Variants in SMG7 observed in about 807,000 individuals in gnomAD.
SMG7 encodes SMG7 nonsense mediated mRNA decay factor.
In SMG7, 34 loss-of-function variants were observed where a neutral mutation model predicts 148.2. The observed-to-expected ratio is 0.23, with a 90% CI of 0.17 to 0.31. SMG7 has a LOEUF of 0.31. Among genes scored for constraint, SMG7 ranks in the 10% least tolerant of loss-of-function variants. The pLI, the probability that SMG7 is intolerant of heterozygous loss-of-function variation, is 1.00. For missense variants in SMG7, 1,114 were observed against 1,408.4 expected, an observed-to-expected ratio of 0.79 and a Z score of 3.35; for synonymous variants, 492 against 515.1, an observed-to-expected ratio of 0.96 and a Z score of 0.61.
At chr1:183,539,007 G>A (rs935022472) in intron 12 of SMG7, among the ~76,000 whole-genome samples, 20 of 151,924 alleles carry the variant, frequency 1.3e-4, no homozygotes, top group African/African-American at 4.6e-4. Flanking sequence ...AAAATTAGCC[G>A]GGCATGGTGG....
At chr1:183,508,190 ATT>A in intron 1 of SMG7, 1 of 913,662 alleles carries the variant, frequency 1.1e-6, no homozygotes, top group African/African-American at 1.8e-5. Context: ...GAGGTATAGT[ATT>A]TTTTTCTTCT....
At position 183,523,070 on chromosome 1, in the gene SMG7, A is replaced by G. The variant is rs76194997; in HGVS notation, c.313-3526A>G. On this transcript the variant is annotated intron_variant, in intron 4 of 22. Transcript: ENST00000688051. The stretch of plus-strand genomic sequence containing the variant: ...AACCAAATTCCTGGTCAAAGTAAAG[A>G]CATACCATTCTGCTGTAGGTTGTTT... Among the ~76,000 whole-genome samples, 823 of 152,310 alleles carry G rather than the reference A, an allele frequency of 5.4e-3. 4 individuals carry two copies. Among genetic ancestry groups the G allele is most frequent in the Non-Finnish European group, 9.7e-3 (661 of 68,028 alleles).
intron 1 of SMG7, among the ~76,000 whole-genome samples, chr1:183,505,936 T>A (rs1660792776): frequency 6.6e-6 from 1 of 152,248 alleles, no homozygotes; most frequent in Non-Finnish European, 1.5e-5. Flanking sequence ...CTAACAATGC[T>A]ATGCTCTTGC....
In SMG7 at chr1:183,527,700, A is replaced by T. The variant is rs1263342595; in HGVS notation, c.485-256A>T. 4 of 527,810 alleles carry T rather than the reference A, an allele frequency of 7.6e-6. No individual in the cohort carries two copies. In the Admixed American group the frequency reaches 9.0e-5, roughly 12 times the overall value. The allele number at this position is 527,810 out of a possible 1,614,324, so 32.7% of individuals were successfully genotyped here. A position where few individuals can be genotyped will look rare whatever the true frequency, so the allele number is the denominator to read the frequency against. On this transcript the variant is annotated intron_variant, in intron 5 of 22. Coordinates refer to ENST00000688051, the MANE Select transcript of SMG7 (RefSeq NM_001375584.1). This position sits in a 1 kb window ranked among gnomAD's most constrained non-coding sequence, Gnocchi z 4.0. Reference sequence around the variant, plus strand: ...AGTCCATAGTGGGAGCTGGTGATGCATGACACTGGAGGACCTGAAAATGGG... The same window carrying T: ...AGTCCATAGTGGGAGCTGGTGATGCTTGACACTGGAGGACCTGAAAATGGG...
intron 4 of SMG7, among the ~76,000 whole-genome samples, chr1:183,518,947 TGAAGA>T (rs1337063799): frequency 1.3e-5 from 2 of 152,206 alleles, no homozygotes; most frequent in Non-Finnish European, 1.5e-5. Context: ...TTTCTTTGAA[TGAAGA>T]GAAAAGAATC....
At chr1:183,543,421 G>T (rs1669296886) in intron 14 of SMG7, among the ~76,000 whole-genome samples, 1 of 151,704 alleles carries the variant, frequency 6.6e-6, no homozygotes, top group African/African-American at 2.4e-5. Context: ...ATAGCAAGGA[G>T]AGAAACAGAA....
intron 1 of SMG7, among the ~76,000 whole-genome samples, chr1:183,505,885 C>T (rs1660781769): frequency 6.6e-6 from 1 of 152,226 alleles, no homozygotes; most frequent in Non-Finnish European, 1.5e-5. Context: ...CACTTCCTTA[C>T]TTCAGTCTTA....
chr1:183,545,244 C>G lies in SMG7; in HGVS notation c.2302C>G (p.Gln768Glu), dbSNP rs1473888952. ...QLQVQALTQQ[Q>E]QSPTKAVPAL... is the part of the protein sequence containing the mutation. Reference sequence around the variant, plus strand: ...GCAGGTTCAAGCTCTAACTCAGCAACAACAATCCCCTACAAAAGCTGTGCC... The same window carrying G: ...GCAGGTTCAAGCTCTAACTCAGCAAGAACAATCCCCTACAAAAGCTGTGCC... Residue 768 changes from glutamine (Q) to glutamate (E), a missense_variant, in exon 16 of 23, where the codon CAA becomes GAA. Gln to Glu is a conservative substitution (Grantham distance 29). This residue lies in a region of SMG7 where 788 missense variants were observed against 894.5 expected (regional missense o/e 0.88). Transcript: ENST00000688051. 1.9e-6 allele frequency: 3 copies of G among 1,613,824 alleles called. No homozygotes were observed.
intron 8 of SMG7, 92 bp from the exon 9 acceptor site, chr1:183,533,071 TG>T: frequency 1.0e-6 from 1 of 997,964 alleles, no homozygotes; most frequent in Non-Finnish European, 1.5e-6. Context: ...TTACACATGG[TG>T]GTTCTAAATG....
At chr1:183,477,504 A>C (rs1470551614) in intron 1 of SMG7, among the ~76,000 whole-genome samples, 1 of 151,770 alleles carries the variant, frequency 6.6e-6, no homozygotes, top group African/African-American at 2.4e-5. Flanking sequence ...ATATGTGTAT[A>C]TATGCATATA....
At position 183,542,923 on chromosome 1, in the gene SMG7, A is replaced by ATG. The variant is rs1418302270; in HGVS notation, c.1842+422_1842+423insGT. On this transcript the variant is annotated intron_variant, in intron 14 of 22. Transcript: ENST00000688051. ...TTTTTTTAGATTCACTATAATATAT[A>ATG]TATATGTGTGTGTGTGTGTGTGTGT... Among the ~76,000 whole-genome samples the ATG allele has an allele frequency of 1.9e-4, 18 of 96,722 alleles. No individual in the cohort carries two copies. The East Asian group carries it at 2.2e-3, about 12-fold the overall frequency. 63.5% of individuals were successfully genotyped at this position (96,722 alleles called of 152,430 possible).
At chr1:183,472,741 G>C (rs2101971749) in intron 1 of SMG7, 92 bp downstream of exon 1, 2 of 1,171,152 alleles carry the variant, frequency 1.7e-6, no homozygotes, top group Non-Finnish European at 2.3e-6. Flanking sequence ...GGGGTGGCGG[G>C]GGAGTTGCTG....
At position 183,552,147 on chromosome 1, in the gene SMG7, C is replaced by T. The variant is rs1359590910; in HGVS notation, c.*216C>T. On this transcript the variant is annotated 3_prime_UTR_variant, in exon 23 of 23. Coordinates refer to ENST00000688051, the MANE Select transcript of SMG7 (RefSeq NM_001375584.1). Reference sequence around the variant, plus strand: ...CAGGAACTCTCCGTCCCCCCGGGGCCCTCCGGAGGGAGAGAGAGAGGAACT... The same window carrying T: ...CAGGAACTCTCCGTCCCCCCGGGGCTCTCCGGAGGGAGAGAGAGAGGAACT... 2 of 1,245,874 alleles carry T rather than the reference C, an allele frequency of 1.6e-6. No individual in the cohort carries two copies. The highest frequency in any genetic ancestry group is 3.8e-5 in the Admixed American group (1 of 26,020). The allele number at this position is 1,245,874 out of a possible 1,614,324, so 77.2% of individuals were successfully genotyped here. A position where few individuals can be genotyped will look rare whatever the true frequency, so the allele number is the denominator to read the frequency against.
chr1:183,476,956 A>G (rs1018082044), intron 1 of SMG7, among the ~76,000 whole-genome samples: 2 of 152,086 alleles, frequency 1.3e-5, no homozygotes, highest in Non-Finnish European at 2.9e-5. Flanking sequence ...GGGGTAGGAG[A>G]AGGTTAGGAT....
chr1:183,494,485 T>G (rs1657911225), intron 1 of SMG7, among the ~76,000 whole-genome samples: 1 of 151,352 alleles, frequency 6.6e-6, no homozygotes, highest in South Asian at 2.1e-4. Context: ...ATCTCTTTGT[T>G]TAGTTCAAGG....
intron 3 of SMG7, 150 bp downstream of exon 3, chr1:183,516,141 A>G: frequency 1.6e-6 from 1 of 611,190 alleles, no homozygotes; most frequent in South Asian, 2.0e-5. Context: ...ATATTTGGCC[A>G]TTGGTATTAT....
chr1:183,502,466 A>G lies in SMG7; in HGVS notation c.30-10371A>G, dbSNP rs1659952799. On this transcript the variant is annotated intron_variant, in intron 1 of 22. Coordinates refer to ENST00000688051, the MANE Select transcript of SMG7 (RefSeq NM_001375584.1). ...GATGTGTATTATTCATACTCTGTGA[A>G]TACTAATAAAATTAGAAACTTCCTG... 10 of 1,177,144 alleles carry G rather than the reference A, an allele frequency of 8.5e-6. No individual in the cohort carries two copies. The South Asian group carries it at 1.9e-4, about 22-fold the overall frequency. The allele number at this position is 1,177,144 out of a possible 1,614,324, so 72.9% of individuals were successfully genotyped here. A position where few individuals can be genotyped will look rare whatever the true frequency, so the allele number is the denominator to read the frequency against.
At chr1:183,504,943 TTAA>T (rs1319544847) in intron 1 of SMG7, among the ~76,000 whole-genome samples, 3 of 152,190 alleles carry the variant, frequency 2.0e-5, no homozygotes, top group African/African-American at 7.2e-5. Flanking sequence ...TCTTCCTGTC[TTAA>T]TAATACCATT....
chr1:183,544,958 C>G lies in SMG7; in HGVS notation c.2016C>G (p.Pro672=), dbSNP rs2102767872. 2 of 1,613,856 alleles carry G rather than the reference C, an allele frequency of 1.2e-6. No homozygotes were observed. Among genetic ancestry groups the G allele is most frequent in the African/African-American group, 2.7e-5 (2 of 74,986 alleles). ...PGFPPPTYVI[P]PPVAFSMGSG... The stretch of plus-strand genomic sequence containing the variant: ...TTCCGCCCCCAACATATGTTATCCC[C>G]CCGCCTGTGGCATTTTCTATGGGCT... Residue 672 remains proline (P), a synonymous_variant, in exon 16 of 23, where the codon CCC becomes CCG. Transcript: ENST00000688051.
Sources: gnomAD v4.1 joint callset for allele counts (sites outside exome capture counted in the v4.1 genomes callset) on GRCh38, gnomAD v4.1.1 for gene constraint, gnomAD v4.1.1 regional missense constraint, Gnocchi (gnomAD v3.1) non-coding constraint, MANE v1.5 for transcripts, NCBI Gene and HGNC (gene_info 2026-07-23, HGNC 2026-07-21) for gene names.